Variants in NAV2 observed in about 807,000 individuals in gnomAD.
NAV2 encodes neuron navigator 2.
Under a neutral mutation model 223.2 loss-of-function variants are expected in NAV2, and 54 were observed. The observed-to-expected ratio is 0.24, with a 90% CI of 0.19 to 0.30. The LOEUF is 0.30. Ranked by LOEUF, NAV2 falls within the 10% of genes least tolerant of loss-of-function variation. The pLI, the probability that NAV2 is intolerant of heterozygous loss-of-function variation, is 1.00. For missense variants in NAV2, 2,806 were observed against 3,147.5 expected (o/e 0.89, Z 2.60); for synonymous variants, 1,279 against 1,239.3 (o/e 1.03, Z -0.67).
intron 1 of NAV2, among the ~76,000 whole-genome samples, chr11:19,547,681 CG>C (rs1396831655): frequency 4.6e-5 from 7 of 152,038 alleles, no homozygotes; most frequent in Non-Finnish European, 8.8e-5. Flanking sequence ...GCTGAGAGCC[CG>C]GGGGACAAGT....
intron 1 of NAV2, among the ~76,000 whole-genome samples, chr11:19,417,694 A>G (rs558619163): frequency 2.0e-5 from 3 of 152,332 alleles, no homozygotes; most frequent in South Asian, 4.1e-4. Context: ...TGGAAATAGC[A>G]AAGACTTGGA....
At chr11:19,918,539 A>G (rs1213992941) in intron 6 of NAV2, among the ~76,000 whole-genome samples, 1 of 152,218 alleles carries the variant, frequency 6.6e-6, no homozygotes, top group East Asian at 1.9e-4. Flanking sequence ...GCAGAGAAGA[A>G]CAACATTCTG....
In NAV2 at chr11:19,372,513, C is replaced by T. The variant is rs193179923; in HGVS notation, c.75+21486C>T. Among the ~76,000 whole-genome samples the T allele has an allele frequency of 1.1e-3, 169 of 152,234 alleles. 2 individuals carry two copies. In the South Asian group the frequency reaches 0.017, roughly 16 times the overall value. On this transcript the variant is annotated intron_variant, in intron 1 of 37. Transcript: ENST00000360655. ...TCAGTAAGACCACTTTTCTAACTGG[C>T]GCAGAGGAGCAACAGAGCTGGGCTG...
intron 1 of NAV2, among the ~76,000 whole-genome samples, chr11:19,779,078 C>G (rs950220071): frequency 6.6e-6 from 1 of 152,264 alleles, no homozygotes; most frequent in East Asian, 1.9e-4. Context: ...TATTGCTGCC[C>G]GTTTAGTCTA....
At chr11:19,969,291 A>G (rs1330376207) in intron 10 of NAV2, among the ~76,000 whole-genome samples, 1 of 152,196 alleles carries the variant, frequency 6.6e-6, no homozygotes, top group Admixed American at 6.5e-5. Context: ...ATTGTTCCCA[A>G]TACAGTGGAC....
chr11:19,887,066 G>A (rs1172874983), intron 5 of NAV2, among the ~76,000 whole-genome samples: 1 of 152,054 alleles, frequency 6.6e-6, no homozygotes, highest in Non-Finnish European at 1.5e-5. Flanking sequence ...CAGCAGTAAA[G>A]TTTGGTTGCC....
intron 1 of NAV2, among the ~76,000 whole-genome samples, chr11:19,742,595 C>T (rs2052945504): frequency 1.3e-5 from 2 of 152,090 alleles, no homozygotes; most frequent in Non-Finnish European, 2.9e-5. Flanking sequence ...TGCTTGGTGC[C>T]TATGTGGATG....
intron 1 of NAV2, among the ~76,000 whole-genome samples, chr11:19,766,447 T>A (rs960451084): frequency 1.3e-5 from 2 of 152,164 alleles, no homozygotes; most frequent in Non-Finnish European, 2.9e-5. Flanking sequence ...CATTAGAGCA[T>A]CCCTGGACAA....
At chr11:19,744,849 C>T in intron 1 of NAV2, among the ~76,000 whole-genome samples, 1 of 152,188 alleles carries the variant, frequency 6.6e-6, no homozygotes, top group East Asian at 1.9e-4. Flanking sequence ...TCTCTTAACT[C>T]TGCACTGTAG....
chr11:19,584,384 T>A (rs2045824662), intron 1 of NAV2, among the ~76,000 whole-genome samples: 1 of 152,228 alleles, frequency 6.6e-6, no homozygotes. Context: ...TTCCTTCAGT[T>A]CTGCTTTGAT....
intron 1 of NAV2, among the ~76,000 whole-genome samples, chr11:19,627,724 C>T (rs558071519): frequency 1.3e-5 from 2 of 152,028 alleles, no homozygotes; most frequent in South Asian, 2.1e-4. Context: ...GAACATGCCC[C>T]CTTCTGGACC....
chr11:19,827,790 T>C (rs1412504124), intron 1 of NAV2, among the ~76,000 whole-genome samples: 1 of 152,204 alleles, frequency 6.6e-6, no homozygotes, highest in African/African-American at 2.4e-5. Context: ...TGACAGCCAA[T>C]CACAAACTGA....
At chr11:20,035,917 G>A (rs1445596432) in intron 11 of NAV2, 42 bp from the exon 12 acceptor site, 1 of 1,612,582 alleles carries the variant, frequency 6.2e-7, no homozygotes, top group Non-Finnish European at 8.5e-7. Context: ...AGCTGGAACA[G>A]CCTGAGGTTT....
intron 1 of NAV2, among the ~76,000 whole-genome samples, chr11:19,463,413 T>G (rs1852234963): frequency 6.6e-6 from 1 of 152,222 alleles, no homozygotes. Context: ...TAATCAATTG[T>G]GGTATCATTT....
chr11:19,381,394 G>C (rs1392908482), intron 1 of NAV2, among the ~76,000 whole-genome samples: 3 of 152,224 alleles, frequency 2.0e-5, no homozygotes, highest in African/African-American at 7.2e-5. Context: ...AAATATTGAA[G>C]TGAATGAGTG....
At chr11:19,446,925 A>G (rs993754263) in intron 1 of NAV2, among the ~76,000 whole-genome samples, 2 of 152,174 alleles carry the variant, frequency 1.3e-5, no homozygotes, top group East Asian at 1.9e-4. Flanking sequence ...TAGTGCCATG[A>G]AAGTCCTCCA....
intron 1 of NAV2, among the ~76,000 whole-genome samples, chr11:19,377,523 C>G (rs1012097440): frequency 1.3e-5 from 2 of 152,176 alleles, no homozygotes; most frequent in Non-Finnish European, 2.9e-5. Context: ...CTCCACTTGG[C>G]CATAGGCTCC....
rs1454062070 is a variant in NAV2 at position 19,781,550 on chromosome 11, T to C, written c.268-50934T>C. Among the ~76,000 whole-genome samples, 3 of 152,180 alleles carry C rather than the reference T, an allele frequency of 2.0e-5. No individual in the cohort carries two copies. The East Asian group carries it at 5.8e-4, about 29-fold the overall frequency. ...ATGAGGGAAATGTGCCCCTGACCTT[T>C]GACCTTTCCCCAGAGAGGCATTGGT... On this transcript the variant is annotated intron_variant, in intron 1 of 37. Coordinates refer to ENST00000349880, the MANE Select transcript of NAV2 (RefSeq NM_145117.5).
At chr11:19,872,776 C>T (rs1328325312) in intron 4 of NAV2, among the ~76,000 whole-genome samples, 2 of 152,238 alleles carry the variant, frequency 1.3e-5, no homozygotes, top group East Asian at 3.9e-4. Flanking sequence ...ACGGCGGATG[C>T]TTGGGGGCAG....
Sources: allele counts gnomAD v4.1 joint callset (sites outside exome capture counted in the v4.1 genomes callset), GRCh38; gene constraint gnomAD v4.1.1; transcripts MANE v1.5; gene names NCBI Gene and HGNC (gene_info 2026-07-23, HGNC 2026-07-21).